The following EXOC4 variants were observed in gnomAD, a reference collection of about 807,000 sequenced individuals.
EXOC4 encodes the protein exocyst complex component 4, also known as SEC8-like 1.
EXOC4 carries 71 observed loss-of-function variants against 107.2 expected under a neutral mutation model. That is an observed-to-expected ratio of 0.66 (90% CI 0.55 to 0.81). The LOEUF (loss-of-function observed/expected upper bound fraction) is 0.81, where lower values mean the gene tolerates loss of function less well. Among genes scored for constraint, EXOC4 ranks in the 30% least tolerant of loss-of-function variants. EXOC4 has a pLI of 0.00. For missense variants in EXOC4, 1,108 were observed against 1,189.6 expected (o/e 0.93, Z 1.01); for synonymous variants, 456 against 441.2 (o/e 1.03, Z -0.42).
intron 3 of EXOC4, among the ~76,000 whole-genome samples, chr7:133,298,582 A>T (rs1444733663): frequency 1.3e-5 from 2 of 152,170 alleles, no homozygotes; most frequent in Non-Finnish European, 2.9e-5. Context: ...GGTTAGGAAC[A>T]AAAGAGGTTT....
At chr7:133,342,392 G>A (rs1795683409) in intron 5 of EXOC4, among the ~76,000 whole-genome samples, 1 of 152,132 alleles carries the variant, frequency 6.6e-6, no homozygotes, top group Non-Finnish European at 1.5e-5. Context: ...GTAGGTTTCT[G>A]TTTAGAAATC....
intron 7 of EXOC4, among the ~76,000 whole-genome samples, chr7:133,420,838 G>C (rs377107827): frequency 2.8e-4 from 43 of 151,586 alleles, no homozygotes; most frequent in East Asian, 1.2e-3. Flanking sequence ...TTGTGTAAAA[G>C]CTTATTCACA....
intron 3 of EXOC4, among the ~76,000 whole-genome samples, chr7:133,291,687 A>G (rs752932259): frequency 1.8e-4 from 28 of 151,992 alleles, no homozygotes; most frequent in Admixed American, 3.3e-4. Flanking sequence ...CCGGCCTGTT[A>G]TGTGATTTTT....
intron 10 of EXOC4, among the ~76,000 whole-genome samples, chr7:133,711,308 C>T (rs907829211): frequency 3.3e-5 from 5 of 152,130 alleles, no homozygotes; most frequent in African/African-American, 1.2e-4. Context: ...AATTTGCTAC[C>T]TGTGGAGCTG....
At chr7:133,400,690 C>T (rs1797069994) in intron 7 of EXOC4, among the ~76,000 whole-genome samples, 1 of 152,196 alleles carries the variant, frequency 6.6e-6, no homozygotes, top group African/African-American at 2.4e-5. Flanking sequence ...AATTTTAGCA[C>T]TTGTCCGTAA....
chr7:133,522,877 A>G (rs560586504), intron 9 of EXOC4, among the ~76,000 whole-genome samples: 2 of 152,316 alleles, frequency 1.3e-5, no homozygotes, highest in East Asian at 3.9e-4. Context: ...AATCTCTGAT[A>G]TGACCATATA....
chr7:134,068,573 A>G (rs535376841), downstream of EXOC4, among the ~76,000 whole-genome samples: 1 of 152,320 alleles, frequency 6.6e-6, no homozygotes, highest in Admixed American at 6.5e-5. Context: ...TAGCAGTATG[A>G]AAATGGACTA....
At position 133,434,568 on chromosome 7, in the gene EXOC4, G is replaced by A. The variant is rs866831796; in HGVS notation, c.1183-40760G>A. 5.0e-4 allele frequency among the ~76,000 whole-genome samples: 76 copies of A among 152,224 alleles called. 1 individual carries two copies. Among genetic ancestry groups the A allele is most frequent in the African/African-American group, 1.7e-3 (70 of 41,534 alleles). ...TGGTGGGGGCTGCTTTTATTTCCCA[G>A]AGTTTGTGGTGGGGGTGGACTGAGA... On this transcript the variant is annotated intron_variant, in intron 7 of 17. Transcript: ENST00000253861.
At chr7:133,841,880 G>A (rs1045832680) in intron 11 of EXOC4, among the ~76,000 whole-genome samples, 3 of 152,114 alleles carry the variant, frequency 2.0e-5, no homozygotes, top group Non-Finnish European at 4.4e-5. Context: ...TGTGCTCCAT[G>A]TTTAGCTCTC....
At chr7:133,564,279 G>T (rs760650277) in intron 9 of EXOC4, among the ~76,000 whole-genome samples, 1 of 152,134 alleles carries the variant, frequency 6.6e-6, no homozygotes, top group Non-Finnish European at 1.5e-5. Flanking sequence ...CATGGCCGGG[G>T]TAGAAGCAAG....
rs80122589 is a variant in EXOC4 at position 133,312,675 on chromosome 7, G to A, written c.657-4609G>A. 8.8e-3 allele frequency among the ~76,000 whole-genome samples: 1,333 copies of A among 151,988 alleles called. 27 individuals are homozygous for A. Among genetic ancestry groups the A allele is most frequent in the African/African-American group, 0.03 (1,252 of 41,462 alleles). ...GCGTGCCATTTTTGTGTTGTGTGAC[G>A]TGGGGGGTGGATGGACAGACACTCA... On this transcript the variant is annotated intron_variant, in intron 4 of 17. Coordinates refer to ENST00000253861, the MANE Select transcript of EXOC4 (RefSeq NM_021807.4).
intron 10 of EXOC4, among the ~76,000 whole-genome samples, chr7:133,694,757 T>G (rs1172882714): frequency 6.6e-6 from 1 of 152,148 alleles, no homozygotes; most frequent in East Asian, 1.9e-4. Flanking sequence ...ATGCAGTAAA[T>G]TACTAACTGT....
chr7:133,270,564 G>A (rs757072846), intron 1 of EXOC4, among the ~76,000 whole-genome samples: 1 of 152,150 alleles, frequency 6.6e-6, no homozygotes, highest in Non-Finnish European at 1.5e-5. Flanking sequence ...ATGGAAGAAG[G>A]AATAGACATT....
At position 133,596,446 on chromosome 7, in the gene EXOC4, CCT is replaced by C. The variant is rs565717898; in HGVS notation, c.1418-33596_1418-33595del. Reference sequence around the variant, plus strand: ...CCTGCTTTAAACTCCCGTTCTTTATCCTCTGTTTCCATAACTCAGCTATGTAT... The same window carrying C: ...CCTGCTTTAAACTCCCGTTCTTTATCCTGTTTCCATAACTCAGCTATGTAT... On this transcript the variant is annotated intron_variant, in intron 9 of 17. Coordinates refer to ENST00000253861, the MANE Select transcript of EXOC4 (RefSeq NM_021807.4). Among the ~76,000 whole-genome samples, 3 of 152,192 alleles carry C rather than the reference CCT, an allele frequency of 2.0e-5. No homozygotes were observed. The South Asian group carries it at 6.2e-4, about 32-fold the overall frequency.
chr7:133,958,409 CAT>C (rs1800866618), intron 14 of EXOC4, among the ~76,000 whole-genome samples: 2 of 152,244 alleles, frequency 1.3e-5, no homozygotes, highest in Admixed American at 6.5e-5. Context: ...ACTATTTCCA[CAT>C]ATTTCCACAG....
At chr7:134,067,750 C>T (rs1563111853), downstream of EXOC4, among the ~76,000 whole-genome samples, 1 of 151,686 alleles carries the variant, frequency 6.6e-6, no homozygotes, top group Non-Finnish European at 1.5e-5. Context: ...ATATTATTGC[C>T]TGTCAGTATA....
chr7:133,909,385 A>T (rs1189423102), intron 12 of EXOC4, among the ~76,000 whole-genome samples: 2 of 152,176 alleles, frequency 1.3e-5, no homozygotes, highest in African/African-American at 4.8e-5. Flanking sequence ...TCAAGTGAGG[A>T]GAGTAGGTTC....
At chr7:133,664,214 C>G (rs1339056281) in intron 10 of EXOC4, among the ~76,000 whole-genome samples, 2 of 152,096 alleles carry the variant, frequency 1.3e-5, no homozygotes, top group African/African-American at 4.8e-5. Flanking sequence ...TTCTGTTGCC[C>G]TTATTACCAT....
At chr7:133,737,837 A>G (rs1009964287) in intron 10 of EXOC4, among the ~76,000 whole-genome samples, 1 of 151,854 alleles carries the variant, frequency 6.6e-6, no homozygotes, top group Admixed American at 6.6e-5. Context: ...TAAATTCCCT[A>G]GAAAGTTGGA....
Sources: allele counts gnomAD v4.1 joint callset (sites outside exome capture counted in the v4.1 genomes callset), GRCh38; gene constraint gnomAD v4.1.1; transcripts MANE v1.5; gene names NCBI Gene and HGNC (gene_info 2026-07-23, HGNC 2026-07-21).